MFSD6L: variants seen among roughly 807,000 people sequenced by gnomAD.
The protein encoded by MFSD6L is major facilitator superfamily domain containing 6 like.
A neutral mutation model predicts 6.4 loss-of-function variants in MFSD6L; 9 were observed. The ratio of observed to expected loss-of-function variants is 1.42; its 90% confidence interval spans 0.85 to 2.47. MFSD6L has a LOEUF of 2.47. Ranked by LOEUF, MFSD6L falls within the 30% of genes most tolerant of loss-of-function variation. The pLI is 0.00. For synonymous variants in MFSD6L, 336 were observed against 322.4 expected (o/e 1.04, Z -0.45); for missense variants, 747 against 730.6 (o/e 1.02, Z -0.26).
At position 8,798,286 on chromosome 17, in the gene MFSD6L, C is replaced by T. The variant is rs2087017518; in HGVS notation, c.835G>A (p.Asp279Asn). The T allele has an allele frequency of 1.2e-6, 2 of 1,607,704 alleles. No individual in the cohort carries two copies. Among genetic ancestry groups the T allele is most frequent in the Non-Finnish European group, 1.7e-6 (2 of 1,179,998 alleles). The change falls in exon 1 of 1, where the codon GAT becomes AAT. Residue 279 changes from aspartate to asparagine, a missense_variant. Transcript: ENST00000329805. ...AGGCTTCTGTATCGGTCAGTGGCAT[C>T]CACAAAATCCAGGAACTCATAAAGG... ...DSLYEFLDFVDATDRYRSLWV... is the reference protein window; with the variant it reads ...DSLYEFLDFVNATDRYRSLWV...
chr17:8,797,914 T>G lies in MFSD6L; in HGVS notation c.1207A>C (p.Met403Leu), dbSNP rs2087013401. ...AAGCTGAGGGCGACCGAGAAACCCATGACCAGCTCGCCGCTCCCATGGTCC... is the reference window on the plus strand; with the variant it reads ...AAGCTGAGGGCGACCGAGAAACCCAGGACCAGCTCGCCGCTCCCATGGTCC... ...MKDHGSGELV[M>L]GFSVALSLLG... is the part of the protein sequence containing the mutation. The change falls in exon 1 of 1, where the codon ATG (methionine) becomes CTG (leucine). Residue 403 changes from methionine to leucine, a missense_variant. By Grantham distance (15) the Met-to-Leu change is conservative. Coordinates refer to ENST00000329805, the MANE Select transcript of MFSD6L (RefSeq NM_152599.4). 2.5e-6 allele frequency: 4 copies of G among 1,613,842 alleles called. No individual in the cohort carries two copies. In the African/African-American group the frequency reaches 5.3e-5, roughly 22 times the overall value.
In MFSD6L at chr17:8,798,727, A is replaced by G; in HGVS notation, c.394T>C (p.Ser132Pro). 6.2e-7 allele frequency: 1 copy of G among 1,613,912 alleles called. No homozygotes were observed. Residue 132 changes from serine (S) to proline (P), a missense_variant, in exon 1 of 1, where the codon TCG becomes CCG. Coordinates refer to ENST00000329805, the MANE Select transcript of MFSD6L (RefSeq NM_152599.4). ...TGGCTGGAGGCAGACTCTTGGGCCG[A>G]GGTGATGTTCACAGGTAGCGTGACC... Reference protein sequence around the residue: ...PGVTLPVNITSAQESASSHPA... With the variant: ...PGVTLPVNITPAQESASSHPA...
Position 8,798,263 on chromosome 17 carries a change from G to A in MFSD6L, c.858C>T (p.Ser286=). The A allele has an allele frequency of 1.2e-6, 2 of 1,608,660 alleles. No homozygotes were observed. Among genetic ancestry groups the A allele is most frequent in the Non-Finnish European group, 1.7e-6 (2 of 1,179,996 alleles). ...TGCCCAGCAACCTCCAGACCCACAG[G>A]CTTCTGTATCGGTCAGTGGCATCCA... The part of the protein sequence containing the change: ...DFVDATDRYR[S]LWVWRLLGMS... The change falls in exon 1 of 1, where the codon AGC becomes AGT. Residue 286 remains serine, a synonymous_variant. Transcript: ENST00000329805.
At position 8,797,635 on chromosome 17, in the gene MFSD6L, G is replaced by A. The variant is rs746197361; in HGVS notation, c.1486C>T (p.Arg496Ter). 9 of 1,613,120 alleles carry A rather than the reference G, an allele frequency of 5.6e-6. No homozygotes were observed. The highest frequency in any genetic ancestry group is 2.7e-5 in the African/African-American group (2 of 74,898). The stretch of plus-strand genomic sequence containing the variant: ...CAGCCACTCCCGTAAAAGTGGCCTC[G>A]GAACAAGGCACTCAGAGCCCTCTCC... Reference protein sequence around the residue: ...RMERALSALFRGHFYGSGCSL... With the variant: ...RMERALSALF The change falls in exon 1 of 1, where the codon CGA (arginine) becomes TGA (stop). Residue 496 changes from arginine to a stop codon, truncating the protein, a stop_gained. Transcript: ENST00000329805. LOFTEE classifies it high-confidence loss of function.
chr17:8,798,338 CG>C lies in MFSD6L; in HGVS notation c.782del (p.Ala261GlyfsTer53), dbSNP rs750565317. ...GSVAFWELLTAPLEQVADDSL... is the reference protein window; with the variant it reads ...GSVAFWELLTXPLEQVADDSL... Reference sequence around the variant, plus strand: ...TGTCATCTGCCACCTGCTCCAGAGGCGCTGTCAGCAGCTCCCAGAACGCCAC... The same window carrying C: ...TGTCATCTGCCACCTGCTCCAGAGGCCTGTCAGCAGCTCCCAGAACGCCAC... On this transcript the variant is annotated frameshift_variant, in exon 1 of 1. Transcript: ENST00000329805. LOFTEE classifies it low-confidence loss of function (END_TRUNC). The C allele has an allele frequency of 6.2e-7, 1 of 1,610,220 alleles. No homozygotes were observed. The highest frequency in any genetic ancestry group is 1.3e-5 in the African/African-American group (1 of 74,934).
chr17:8,797,960 G>A lies in MFSD6L; in HGVS notation c.1161C>T (p.Asn387=). Residue 387 remains asparagine (N), a synonymous_variant, in exon 1 of 1, where the codon AAC becomes AAT. Transcript: ENST00000329805. ...LVGAIVSTVQ[N]FLFWHMKDHG... ...GGTCCTTCATGTGCCAGAACAGAAA[G>A]TTCTGGACAGTACTGACGATGGCTC... The A allele has an allele frequency of 6.2e-7, 1 of 1,614,026 alleles. No individual in the cohort carries two copies. The highest frequency in any genetic ancestry group is 1.1e-5 in the South Asian group (1 of 91,070).
rs1487373049 is a variant in MFSD6L, at chr17:8,799,113, G to A, written c.8C>T (p.Ala3Val). Residue 3 changes from alanine to valine, a missense_variant, in exon 1 of 1, where the codon GCC (alanine) becomes GTC (valine). Physicochemically the swap from Ala to Val is moderately conservative, Grantham distance 64. Coordinates refer to ENST00000329805, the MANE Select transcript of MFSD6L (RefSeq NM_152599.4). The surrounding 1 kb of genome is among the most constrained non-coding windows in gnomAD (Gnocchi z 5.3). MS[A>V]NPRWDISRAL... ...CCTGCTGATGTCCCACCGGGGGTTG[G>A]CACTCATGGCTGCCGGGCTCTGTCA... 6 of 1,553,062 alleles carry A rather than the reference G, an allele frequency of 3.9e-6. No homozygotes were observed. The highest frequency in any genetic ancestry group is 2.7e-5 in the African/African-American group (2 of 73,354).
chr17:8,797,839 G>T lies in MFSD6L; in HGVS notation c.1282C>A (p.Leu428Met). ...HPFKATLLRK[L>M]SRTGLVGLGL... The stretch of plus-strand genomic sequence containing the variant: ...AGCCCCACCAGGCCCGTCCTGGACA[G>T]TTTCCTAAGCAATGTAGCTTTGAAC... Residue 428 changes from leucine (L) to methionine (M), a missense_variant, in exon 1 of 1, where the codon CTG (leucine) becomes ATG (methionine). Physicochemically the swap from Leu to Met is conservative, Grantham distance 15 (BLOSUM62 2). Coordinates refer to ENST00000329805, the MANE Select transcript of MFSD6L (RefSeq NM_152599.4). 4.3e-6 allele frequency: 7 copies of T among 1,614,000 alleles called. No individual in the cohort carries two copies. Among genetic ancestry groups the T allele is most frequent in the Non-Finnish European group, 5.1e-6 (6 of 1,179,990 alleles).
At position 8,799,162 on chromosome 17, in the gene MFSD6L, G is replaced by A; in HGVS notation, c.-42C>T. The A allele has an allele frequency of 6.7e-7, 1 of 1,501,262 alleles. No individual in the cohort carries two copies. Among genetic ancestry groups the A allele is most frequent in the Non-Finnish European group, 8.9e-7 (1 of 1,127,272 alleles). The allele number at this position is 1,501,262 out of a possible 1,614,324, so 93.0% of individuals were successfully genotyped here. ...CAGGCCTGGGCCGACGGAGGGCGGA[G>A]CTGGGCGCAGGGCGGGCGCGGCCCC... On this transcript the variant is annotated 5_prime_UTR_variant, in exon 1 of 1. Transcript: ENST00000329805. The surrounding 1 kb of genome is among the most constrained non-coding windows in gnomAD (Gnocchi z 5.3).
chr17:8,798,623 A>T lies in MFSD6L; in HGVS notation c.498T>A (p.Arg166=), dbSNP rs142921860. The T allele has an allele frequency of 1.6e-3, 2,524 of 1,613,952 alleles. 6 individuals are homozygous for T. Among genetic ancestry groups the T allele is most frequent in the Non-Finnish European group, 2.0e-3 (2,310 of 1,179,974 alleles). Residue 166 remains arginine, a synonymous_variant, in exon 1 of 1, where the codon CGT becomes CGA. Transcript: ENST00000329805. ...PPGESDRETF[R]DLHVYLAPSV... Reference sequence around the variant, plus strand: ...AGGGCGCTAAGTAGACGTGCAGATCACGGAAAGTTTCTCGGTCACTTTCAC... The same window carrying T: ...AGGGCGCTAAGTAGACGTGCAGATCTCGGAAAGTTTCTCGGTCACTTTCAC...
rs776889483 is a variant in MFSD6L at position 8,798,784 on chromosome 17, T to C, written c.337A>G (p.Ser113Gly). Residue 113 changes from serine (S) to glycine (G), a missense_variant, in exon 1 of 1, where the codon AGC (serine) becomes GGC (glycine). Transcript: ENST00000329805. ...AGTGCGTCTGTGCTGGTCAGGCCGC[T>C]GCTTCCATTACAAGGGAAGTGCACC... Reference protein sequence around the residue: ...NRVHFPCNGSSGLTSTDALPG... With the variant: ...NRVHFPCNGSGGLTSTDALPG... 6.2e-7 allele frequency: 1 copy of C among 1,613,914 alleles called. No individual in the cohort carries two copies. The highest frequency in any genetic ancestry group is 1.3e-5 in the African/African-American group (1 of 74,914).
chr17:8,798,792 T>C lies in MFSD6L; in HGVS notation c.329A>G (p.Asn110Ser), dbSNP rs1221258710. 6.2e-7 allele frequency: 1 copy of C among 1,613,990 alleles called. No individual in the cohort carries two copies. Among genetic ancestry groups the C allele is most frequent in the East Asian group, 2.2e-5 (1 of 44,864 alleles). The change falls in exon 1 of 1, where the codon AAT becomes AGT. Residue 110 changes from asparagine to serine, a missense_variant. Physicochemically the swap from Asn to Ser is conservative, Grantham distance 46. Transcript: ENST00000329805. ...VDKNRVHFPC[N>S]GSSGLTSTDA... ...TGTGCTGGTCAGGCCGCTGCTTCCA[T>C]TACAAGGGAAGTGCACCCGATTTTT...
In MFSD6L at chr17:8,799,221, C is replaced by A; in HGVS notation, c.-101G>T. 7.8e-6 allele frequency: 9 copies of A among 1,154,368 alleles called. No individual in the cohort carries two copies. The highest frequency in any genetic ancestry group is 1.1e-5 in the Non-Finnish European group (9 of 852,862). The allele number at this position is 1,154,368 out of a possible 1,614,324, so 71.5% of individuals were successfully genotyped here. ...GGGAGGGAGGCTTGGGGGACCGGGG[C>A]TCGGAGCGAGTGGGACTGCGCCCCC... On this transcript the variant is annotated 5_prime_UTR_variant, in exon 1 of 1. Transcript: ENST00000329805. This position sits in a 1 kb window ranked among gnomAD's most constrained non-coding sequence, Gnocchi z 5.3.
Position 8,798,196 on chromosome 17 carries a change from G to A in MFSD6L, c.925C>T (p.Leu309=). 3 of 1,612,472 alleles carry A rather than the reference G, an allele frequency of 1.9e-6. No homozygotes were observed. The highest frequency in any genetic ancestry group is 2.5e-6 in the Non-Finnish European group (3 of 1,179,976). Residue 309 remains leucine (L), a synonymous_variant, in exon 1 of 1, where the codon CTG becomes TTG. Coordinates refer to ENST00000329805, the MANE Select transcript of MFSD6L (RefSeq NM_152599.4). ...VCGITALVGQ[L]DCFLMTSGPR... Reference sequence around the variant, plus strand: ...CCACTGGTCATCAGGAAGCAGTCCAGCTGCCCCACCAAGGCTGTGATGCCA... The same window carrying A: ...CCACTGGTCATCAGGAAGCAGTCCAACTGCCCCACCAAGGCTGTGATGCCA...
rs533705784 is a variant in MFSD6L at position 8,797,855 on chromosome 17, A to G, written c.1266T>C (p.Ala422=). 1.9e-6 allele frequency: 3 copies of G among 1,603,098 alleles called. No homozygotes were observed. In the South Asian group the frequency reaches 3.4e-5, roughly 18 times the overall value. ...LGEILLHPFK[A]TLLRKLSRTG... is the part of the protein sequence containing the mutation. ...TCCTGGACAGTTTCCTAAGCAATGT[A>G]GCTTTGAACGGATGAAGCAGAATTT... Residue 422 remains alanine (A), a synonymous_variant, in exon 1 of 1, where the codon GCT becomes GCC. Transcript: ENST00000329805.
At position 8,797,519 on chromosome 17, in the gene MFSD6L, C is replaced by T; in HGVS notation, c.1602G>A (p.Trp534Ter). The T allele has an allele frequency of 6.2e-7, 1 of 1,614,062 alleles. No individual in the cohort carries two copies. Among genetic ancestry groups the T allele is most frequent in the East Asian group, 2.2e-5 (1 of 44,882 alleles). ...YQACCVALLL[W>*]LALLLSIQRR... Reference sequence around the variant, plus strand: ...GCTGTATGGACAGGAGCAAGGCCAACCAGAGCAACAGGGCCACACAGCAGG... The same window carrying T: ...GCTGTATGGACAGGAGCAAGGCCAATCAGAGCAACAGGGCCACACAGCAGG... Residue 534 changes from tryptophan (W) to a stop codon, truncating the protein, a stop_gained, in exon 1 of 1, where the codon TGG becomes TGA. Coordinates refer to ENST00000329805, the MANE Select transcript of MFSD6L (RefSeq NM_152599.4). LOFTEE classifies it high-confidence loss of function.
rs9899703 is a variant in MFSD6L, at chr17:8,799,326, G to C, written c.-206C>G. The C allele has an allele frequency of 1.7e-5, 7 of 405,614 alleles. No homozygotes were observed. The highest frequency in any genetic ancestry group is 1.2e-4 in the African/African-American group (6 of 48,044). The allele number at this position is 405,614 out of a possible 1,614,324, so 25.1% of individuals were successfully genotyped here. Reference sequence around the variant, plus strand: ...CCAGGTCCTGCCGTTGGACCGAAAGGGGCCCCGCCCGGAGGGAGAGGCGGG... The same window carrying C: ...CCAGGTCCTGCCGTTGGACCGAAAGCGGCCCCGCCCGGAGGGAGAGGCGGG... On this transcript the variant is annotated 5_prime_UTR_variant, in exon 1 of 1. Transcript: ENST00000329805. This position sits in a 1 kb window ranked among gnomAD's most constrained non-coding sequence, Gnocchi z 5.3.
rs2087006233 is a variant in MFSD6L, at chr17:8,797,255, C to T, written c.*105G>A. 3.7e-6 allele frequency: 4 copies of T among 1,079,174 alleles called. 1 individual carries two copies. In the South Asian group the frequency reaches 5.5e-5, roughly 15 times the overall value. 66.8% of individuals were successfully genotyped at this position (1,079,174 alleles called of 1,614,324 possible). ...TCAGCACAGACCCATCCTCTCTTCC[C>T]CGGCTCCCAGCAGTCCAGGGCAGGT... On this transcript the variant is annotated 3_prime_UTR_variant, in exon 1 of 1. Transcript: ENST00000329805.
Position 8,797,201 on chromosome 17 carries a change from T to C in MFSD6L, c.*159A>G. On this transcript the variant is annotated 3_prime_UTR_variant, in exon 1 of 1. Transcript: ENST00000329805. ...CCTTTTACTTCAAAAGTAAAGAAAA[T>C]CATGCAATGAGATGATCCTGTTGGG... The C allele has an allele frequency of 2.0e-6, 1 of 508,850 alleles. No homozygotes were observed. The allele number at this position is 508,850 out of a possible 1,614,324, so 31.5% of individuals were successfully genotyped here. A position where few individuals can be genotyped will look rare whatever the true frequency, so the allele number is the denominator to read the frequency against.
Sources: allele counts gnomAD v4.1 joint callset, GRCh38; gene constraint gnomAD v4.1.1; non-coding constraint Gnocchi (gnomAD v3.1); transcripts MANE v1.5; gene names NCBI Gene and HGNC (gene_info 2026-07-23, HGNC 2026-07-21).